NLRP5: variants seen among roughly 807,000 people sequenced by gnomAD.
The protein encoded by NLRP5 is NACHT, LRR and PYD domains-containing protein 5.
NLRP5 carries 93 observed loss-of-function variants against 113.1 expected under a neutral mutation model. The observed-to-expected ratio is 0.82, with a 90% CI of 0.70 to 0.98. The LOEUF (loss-of-function observed/expected upper bound fraction) is 0.98, where lower values mean the gene tolerates loss of function less well. Among genes scored for constraint, NLRP5 ranks in the 50% least tolerant of loss-of-function variants. NLRP5 has a pLI of 0.00. For missense variants in NLRP5, 1,808 were observed against 1,514.3 expected, an observed-to-expected ratio of 1.19 and a Z score of -3.22; for synonymous variants, 751 against 600.7, an observed-to-expected ratio of 1.25 and a Z score of -3.66.
At chr19:56,004,662 G>C (rs1981786330) in intron 2 of NLRP5, among the ~76,000 whole-genome samples, 1 of 152,110 alleles carries the variant, frequency 6.6e-6, no homozygotes, top group Admixed American at 6.6e-5. Flanking sequence ...CAAGAATTCG[G>C]ATCAGATTCT....
rs370863684 is a variant in NLRP5, at chr19:55,999,790, C to T, written c.62+3C>T. The T allele has an allele frequency of 3.7e-6, 6 of 1,612,134 alleles. No homozygotes were observed. The highest frequency in any genetic ancestry group is 2.2e-5 in the East Asian group (1 of 44,888). The stretch of plus-strand genomic sequence containing the variant: ...CTGCTCTCAGCATCACCACGTGCGT[C>T]GACAGCCTCTTAGAGTTACCTATGA... On this transcript the variant is annotated splice_donor_region_variant and intron_variant, in intron 1 of 14. Coordinates refer to ENST00000390649, the MANE Select transcript of NLRP5 (RefSeq NM_153447.4).
the NLRP5 span, among the ~76,000 whole-genome samples, chr19:55,990,915 C>T: frequency 3.3e-5 from 5 of 151,966 alleles, no homozygotes; most frequent in African/African-American, 9.7e-5. Flanking sequence ...ACCCAGGAGA[C>T]GGAGATTGCA....
intron 9 of NLRP5, among the ~76,000 whole-genome samples, chr19:56,035,614 G>C (rs1222866120): frequency 6.6e-6 from 1 of 152,182 alleles, no homozygotes; most frequent in African/African-American, 2.4e-5. Flanking sequence ...CCAGTTTCCT[G>C]GAAGTCTAAC....
chr19:55,988,454 A>ATATATATG, the NLRP5 span: 1 of 127,558 alleles, frequency 7.8e-6, no homozygotes, highest in East Asian at 2.0e-4. Flanking sequence ...GTATATATAT[A>ATATATATG]TATATATATA....
chr19:56,007,422 C>T (rs1304043402), intron 2 of NLRP5, among the ~76,000 whole-genome samples: 1 of 149,826 alleles, frequency 6.7e-6, no homozygotes, highest in Non-Finnish European at 1.5e-5. Context: ...TTTAGAATCA[C>T]TTCCTAGAAG....
intron 2 of NLRP5, among the ~76,000 whole-genome samples, chr19:56,006,322 G>A (rs1375059875): frequency 6.6e-6 from 1 of 152,114 alleles, no homozygotes; most frequent in Non-Finnish European, 1.5e-5. Flanking sequence ...TATACCTAAT[G>A]TAAATAACGA....
Position 56,027,578 on chromosome 19 carries a change from C to T in NLRP5, c.1345C>T (p.His449Tyr). The T allele has an allele frequency of 6.2e-7, 1 of 1,613,910 alleles. No homozygotes were observed. Residue 449 changes from histidine (H) to tyrosine (Y), a missense_variant, in exon 7 of 15, where the codon CAT becomes TAT. Transcript: ENST00000390649. ...GCTCCTTGAGCGCGGGATTGGTGAG[C>T]ATCAGAAGACACAAGGGTTGCGTGC...
the NLRP5 span, among the ~76,000 whole-genome samples, chr19:55,992,602 C>T: frequency 1.3e-5 from 2 of 152,156 alleles, no homozygotes; most frequent in Non-Finnish European, 2.9e-5. Context: ...TCAAATCCAG[C>T]CCATTGCCCA....
In NLRP5 at chr19:56,027,637, C is replaced by A; in HGVS notation, c.1404C>A (p.Cys468Ter). The A allele has an allele frequency of 6.2e-7, 1 of 1,613,528 alleles. No homozygotes were observed. The highest frequency in any genetic ancestry group is 8.5e-7 in the Non-Finnish European group (1 of 1,179,892). ...ACAACCGTGAGCTGCTCGACCAGTGCCAGGTGCCCGCCGTGGGCTCTCTCA... is the reference window on the plus strand; with the variant it reads ...ACAACCGTGAGCTGCTCGACCAGTGACAGGTGCCCGCCGTGGGCTCTCTCA... Residue 468 changes from cysteine to a stop codon, truncating the protein, a stop_gained, in exon 7 of 15, where the codon TGC becomes TGA. Transcript: ENST00000390649. LOFTEE classifies it high-confidence loss of function.
Position 56,019,822 on chromosome 19 carries a change from C to T in NLRP5, c.622+424C>T, listed in dbSNP as rs1298434310. ...GCTGGAATTACAGTGGTAAGAAAAA[C>T]ATGTCTTGCCTTCATGGCATTTTTT... On this transcript the variant is annotated intron_variant, in intron 5 of 14. Transcript: ENST00000390649. Among the ~76,000 whole-genome samples the T allele has an allele frequency of 2.0e-5, 3 of 149,976 alleles. No individual in the cohort carries two copies. The East Asian group carries it at 5.8e-4, about 29-fold the overall frequency.
Position 56,053,761 on chromosome 19 carries a change from G to A in NLRP5, c.3252G>A (p.Ala1084=), listed in dbSNP as rs392801. The change falls in exon 13 of 15, where the codon GCG becomes GCA. Residue 1084 remains alanine, a synonymous_variant. Coordinates refer to ENST00000390649, the MANE Select transcript of NLRP5 (RefSeq NM_153447.4). ...CCCTGGGTGACGGTGGGGTTGCTGC[G>A]CTGTGCGAGGGACTGAAGCAAAAGA... The A allele has an allele frequency of 0.18, 295,093 of 1,613,648 alleles. 29,485 individuals are homozygous for A. Among genetic ancestry groups the A allele is most frequent in the Middle Eastern group, 0.22 (1,347 of 6,054 alleles).
At chr19:56,053,491 C>T (rs1167247680) in intron 12 of NLRP5, 147 bp from the exon 13 acceptor site, 3 of 589,392 alleles carry the variant, frequency 5.1e-6, no homozygotes, top group South Asian at 5.6e-5. Context: ...ACAGATACCA[C>T]GTGGTCTAAG....
chr19:56,046,627 G>A (rs1983737667), intron 11 of NLRP5, among the ~76,000 whole-genome samples: 1 of 151,800 alleles, frequency 6.6e-6, no homozygotes, highest in Admixed American at 6.6e-5. Context: ...TGCAAGCTCT[G>A]CCTCCCGGGT....
chr19:56,023,869 A>G (rs1056135054), intron 6 of NLRP5, among the ~76,000 whole-genome samples: 1 of 152,172 alleles, frequency 6.6e-6, no homozygotes, highest in African/African-American at 2.4e-5. Context: ...TACAGTTAGT[A>G]ATTGTATTAC....
At chr19:56,019,167 T>C in intron 4 of NLRP5, 175 bp from the exon 5 acceptor site, 1 of 673,672 alleles carries the variant, frequency 1.5e-6, no homozygotes, top group Non-Finnish European at 2.6e-6. Context: ...CCCTCAAGCT[T>C]TGAATTAGTG....
the NLRP5 span, among the ~76,000 whole-genome samples, chr19:55,991,871 T>C: frequency 6.6e-6 from 1 of 152,062 alleles, no homozygotes; most frequent in African/African-American, 2.4e-5. Flanking sequence ...GCTAACATTC[T>C]TTTTTTACTT....
intron 6 of NLRP5, among the ~76,000 whole-genome samples, chr19:56,021,102 T>C (rs1275304779): frequency 6.6e-6 from 1 of 152,202 alleles, no homozygotes; most frequent in African/African-American, 2.4e-5. Context: ...GCACTCCTGA[T>C]CTCGTGATCT....
At chr19:56,036,289 G>C (rs1031090810) in intron 9 of NLRP5, among the ~76,000 whole-genome samples, 6 of 151,552 alleles carry the variant, frequency 4.0e-5, no homozygotes, top group Admixed American at 3.3e-4. Context: ...GGATGGTCTC[G>C]ATCTCCTGAC....
the NLRP5 span, among the ~76,000 whole-genome samples, chr19:55,989,849 G>T: frequency 6.6e-6 from 1 of 152,012 alleles, no homozygotes; most frequent in East Asian, 1.9e-4. Flanking sequence ...CATTTAAAAC[G>T]GATAAAGATT....
Sources: allele counts gnomAD v4.1 joint callset (sites outside exome capture counted in the v4.1 genomes callset), GRCh38; gene constraint gnomAD v4.1.1; transcripts MANE v1.5; gene names NCBI Gene and HGNC (gene_info 2026-07-23, HGNC 2026-07-21).